The following ARHGEF4 variants were observed in gnomAD, a reference collection of about 807,000 sequenced individuals.
ARHGEF4 encodes APC-stimulated guanine nucleotide exchange factor 1.
A neutral mutation model predicts 162.0 loss-of-function variants in ARHGEF4; 119 were observed. The ratio of observed to expected loss-of-function variants is 0.73; its 90% CI spans 0.63 to 0.86. The LOEUF is 0.86. Among genes scored for constraint, ARHGEF4 ranks in the 40% least tolerant of loss-of-function variants. The pLI is 0.00. For synonymous variants in ARHGEF4, 1,014 were observed against 979.9 expected (o/e 1.03, Z -0.65); for missense variants, 2,488 against 2,456.0 (o/e 1.01, Z -0.28).
intron 4 of ARHGEF4, among the ~76,000 whole-genome samples, chr2:130,977,654 CGTGT>C (rs1001102048): frequency 1.3e-5 from 2 of 150,540 alleles, no homozygotes; most frequent in African/African-American, 4.9e-5. Flanking sequence ...TTGCATGTGT[CGTGT>C]ATGTATGGTG....
chr2:130,875,237 G>T (rs16856224), intron 1 of ARHGEF4, among the ~76,000 whole-genome samples: 8,603 of 152,084 alleles, frequency 0.057, 542 homozygotes, highest in African/African-American at 0.15. Context: ...CTCTAGATTA[G>T]CGCATTGCTT....
intron 8 of ARHGEF4, among the ~76,000 whole-genome samples, chr2:131,041,015 C>G (rs760896883): frequency 6.6e-6 from 1 of 152,142 alleles, no homozygotes; most frequent in Non-Finnish European, 1.5e-5. Context: ...AGCGTGCAGC[C>G]GGGACACCTG....
intron 2 of ARHGEF4, among the ~76,000 whole-genome samples, chr2:130,926,008 T>TTTTTTC (rs1307168731): frequency 5.3e-5 from 1 of 19,000 alleles, no homozygotes; most frequent in Non-Finnish European, 2.2e-4. Context: ...ATTTGTTTGG[T>TTTTTTC]TTTCTCTCTT....
chr2:130,906,170 C>G (rs543469793), intron 1 of ARHGEF4, among the ~76,000 whole-genome samples: 2 of 152,188 alleles, frequency 1.3e-5, no homozygotes, highest in East Asian at 3.9e-4. Flanking sequence ...TTCTATTTGC[C>G]CTTGCCCAGT....
intron 4 of ARHGEF4, among the ~76,000 whole-genome samples, chr2:131,018,878 C>G (rs190305078): frequency 1.3e-5 from 2 of 152,282 alleles, no homozygotes; most frequent in Admixed American, 1.3e-4. Context: ...GCACCTTTGT[C>G]GAAAATCAAT....
chr2:130,921,494 A>G (rs1681872061), intron 2 of ARHGEF4, among the ~76,000 whole-genome samples: 1 of 152,154 alleles, frequency 6.6e-6, no homozygotes, highest in Non-Finnish European at 1.5e-5. Context: ...TAGTCATACT[A>G]AATACTGTCA....
At chr2:130,935,607 G>C (rs1416818246) in intron 3 of ARHGEF4, among the ~76,000 whole-genome samples, 2 of 152,072 alleles carry the variant, frequency 1.3e-5, no homozygotes, top group African/African-American at 4.8e-5. Context: ...TTCTAATTTT[G>C]TGATTTCTTC....
intron 1 of ARHGEF4, among the ~76,000 whole-genome samples, chr2:130,842,081 A>T (rs764910292): frequency 5.3e-5 from 8 of 152,106 alleles, no homozygotes; most frequent in Non-Finnish European, 1.0e-4. Context: ...TTTCACTTGT[A>T]ATTGGTTCCC....
chr2:130,881,271 T>TG (rs2104959931), intron 1 of ARHGEF4, among the ~76,000 whole-genome samples: 2 of 151,900 alleles, frequency 1.3e-5, no homozygotes, highest in East Asian at 3.9e-4. Context: ...GGTGATCCAC[T>TG]CCAAAGTGCT....
intron 3 of ARHGEF4, among the ~76,000 whole-genome samples, chr2:130,944,893 G>T (rs1683511800): frequency 6.6e-6 from 1 of 152,096 alleles, no homozygotes; most frequent in Non-Finnish European, 1.5e-5. Context: ...GGATAATAAT[G>T]ATTATTAAAT....
chr2:130,910,023 G>A (rs998667694), intron 1 of ARHGEF4, among the ~76,000 whole-genome samples: 1 of 152,082 alleles, frequency 6.6e-6, no homozygotes, highest in Non-Finnish European at 1.5e-5. Context: ...TGAGCCACAC[G>A]CTGGTTAAAA....
chr2:130,837,824 A>T, intron 1 of ARHGEF4: 1 of 63,418 alleles, frequency 1.6e-5, no homozygotes, highest in Non-Finnish European at 2.9e-5. Flanking sequence ...CTGCAGGTCC[A>T]GGGGGAGGCA....
At chr2:130,878,596 C>G (rs567843543) in intron 1 of ARHGEF4, among the ~76,000 whole-genome samples, 16 of 152,268 alleles carry the variant, frequency 1.1e-4, no homozygotes, top group Middle Eastern at 3.4e-3. Flanking sequence ...GCTGCAAACA[C>G]GACCCTGAGC....
At chr2:131,038,386 C>T (rs1186732432) in intron 5 of ARHGEF4, among the ~76,000 whole-genome samples, 1 of 149,320 alleles carries the variant, frequency 6.7e-6, no homozygotes, top group Non-Finnish European at 1.5e-5. Context: ...CCTCTCCCTC[C>T]TGCAGCCTTG....
chr2:130,961,327 A>G (rs2105189162), intron 4 of ARHGEF4, among the ~76,000 whole-genome samples: 1 of 152,334 alleles, frequency 6.6e-6, no homozygotes, highest in South Asian at 2.1e-4. Flanking sequence ...GGAATCAGTG[A>G]AGCCTCACTG....
intron 4 of ARHGEF4, among the ~76,000 whole-genome samples, chr2:130,962,366 C>T (rs1403231618): frequency 6.6e-6 from 1 of 152,072 alleles, no homozygotes; most frequent in African/African-American, 2.4e-5. Flanking sequence ...TGAGTCATCC[C>T]CCAATTCTCA....
chr2:130,871,427 T>G (rs950488401), intron 1 of ARHGEF4, among the ~76,000 whole-genome samples: 1 of 151,800 alleles, frequency 6.6e-6, no homozygotes, highest in African/African-American at 2.4e-5. Context: ...TCCCAGCTAC[T>G]CGGGAGACTG....
At chr2:131,006,311 CTG>C (rs1477134909) in intron 4 of ARHGEF4, among the ~76,000 whole-genome samples, 1 of 152,228 alleles carries the variant, frequency 6.6e-6, no homozygotes, top group African/African-American at 2.4e-5. Context: ...CTGAGCCACA[CTG>C]TGCCCAGCCC....
At chr2:131,039,236 C>A in intron 6 of ARHGEF4, 1 of 1,270,858 alleles carries the variant, frequency 7.9e-7, no homozygotes, top group African/African-American at 1.5e-5. Flanking sequence ...CCCTCGGGGG[C>A]CAGAGAGGAG....
Sources: allele counts gnomAD v4.1 joint callset (sites outside exome capture counted in the v4.1 genomes callset), GRCh38; gene constraint gnomAD v4.1.1; transcripts MANE v1.5; gene names NCBI Gene and HGNC (gene_info 2026-07-23, HGNC 2026-07-21).